Variants in WDFY1 observed in about 807,000 individuals in gnomAD.
The protein encoded by WDFY1 is WD repeat and FYVE domain containing 1.
In WDFY1, 32 loss-of-function variants were observed where a neutral mutation model predicts 56.4. The observed-to-expected ratio is 0.57, with a 90% confidence interval of 0.43 to 0.76. The LOEUF is 0.76. WDFY1 is among the 30% of genes least tolerant of loss of function. The pLI, the probability that WDFY1 is intolerant of heterozygous loss-of-function variation, is 0.00. For missense variants in WDFY1, 480 were observed against 545.7 expected (o/e 0.88, Z 1.20); for synonymous variants, 192 against 197.3 (o/e 0.97, Z 0.23).
intron 1 of WDFY1, among the ~76,000 whole-genome samples, chr2:223,929,189 G>GTTTTTTGTTTTTT (rs1553538013): frequency 3.5e-5 from 1 of 28,940 alleles, no homozygotes; most frequent in Non-Finnish European, 1.8e-4. Context: ...TCTGTTTTTT[G>GTTTTTTGTTTTTT]TTTTTTTTTT....
At chr2:223,910,599 T>C (rs1025396917) in intron 3 of WDFY1, among the ~76,000 whole-genome samples, 3 of 152,066 alleles carry the variant, frequency 2.0e-5, no homozygotes, top group Admixed American at 6.6e-5. Context: ...AGGACTTCAA[T>C]AGATATTTCT....
At chr2:223,943,630 G>A (rs1421823468) in intron 1 of WDFY1, among the ~76,000 whole-genome samples, 2 of 152,170 alleles carry the variant, frequency 1.3e-5, no homozygotes, top group Non-Finnish European at 2.9e-5. Context: ...ATTGCATCAA[G>A]GAAACACAGT....
chr2:223,935,538 A>G (rs1217221143), intron 1 of WDFY1, among the ~76,000 whole-genome samples: 1 of 152,236 alleles, frequency 6.6e-6, no homozygotes. Flanking sequence ...ATCATTCATT[A>G]TATTACCATC....
rs1693007128 is a variant in WDFY1, at chr2:223,878,396, A to G, written c.*275T>C. ...CCCGCTAAAACTCATTTGCTAGCTC[A>G]TTCTTTCACTACACATTAGCTGTTC... On this transcript the variant is annotated 3_prime_UTR_variant, in exon 12 of 12. Coordinates refer to ENST00000233055, the MANE Select transcript of WDFY1 (RefSeq NM_020830.5). 3.2e-6 allele frequency: 1 copy of G among 311,164 alleles called. No individual in the cohort carries two copies. The highest frequency in any genetic ancestry group is 6.0e-6 in the Non-Finnish European group (1 of 167,572). The allele number at this position is 311,164 out of a possible 1,614,324, so 19.3% of individuals were successfully genotyped here.
intron 6 of WDFY1, among the ~76,000 whole-genome samples, chr2:223,897,351 C>CATATATATATATAT (rs1194128689): frequency 1.3e-4 from 7 of 53,676 alleles, no homozygotes; most frequent in East Asian, 5.7e-4. Context: ...CTAAATTTCG[C>CATATATATATATAT]ATATATATAT....
intron 8 of WDFY1, among the ~76,000 whole-genome samples, chr2:223,891,584 G>A (rs1448619659): frequency 6.6e-6 from 1 of 152,006 alleles, no homozygotes; most frequent in Non-Finnish European, 1.5e-5. Flanking sequence ...GAAATGCCTT[G>A]ATTGATGGGA....
chr2:223,916,659 A>G (rs1020354559), intron 2 of WDFY1, among the ~76,000 whole-genome samples: 4 of 152,140 alleles, frequency 2.6e-5, no homozygotes, highest in Admixed American at 1.3e-4. Flanking sequence ...TTGACTCCCC[A>G]TTTGAACTTT....
chr2:223,884,724 G>C lies in WDFY1; in HGVS notation c.857C>G (p.Ser286Cys). The change falls in exon 9 of 12, where the codon TCT (serine) becomes TGT (cysteine). Residue 286 changes from serine to cysteine, a missense_variant. Coordinates refer to ENST00000233055, the MANE Select transcript of WDFY1 (RefSeq NM_020830.5). ...AAATGGCTGCTCACATTTCTGACAA[G>C]AATCACTTTCCAACCACTGAGGAGC... ...EEAPQWLESDSCQKCEQPFFW... is the reference protein window; with the variant it reads ...EEAPQWLESDCCQKCEQPFFW... The C allele has an allele frequency of 6.2e-7, 1 of 1,614,136 alleles. No homozygotes were observed. Among genetic ancestry groups the C allele is most frequent in the Non-Finnish European group, 8.5e-7 (1 of 1,180,006 alleles).
At chr2:223,910,475 C>A (rs529427116) in intron 3 of WDFY1, among the ~76,000 whole-genome samples, 2 of 151,162 alleles carry the variant, frequency 1.3e-5, no homozygotes, top group Middle Eastern at 3.5e-3. Flanking sequence ...AAAAAGGCAG[C>A]TCTTAGGAGA....
intron 1 of WDFY1, among the ~76,000 whole-genome samples, chr2:223,929,095 G>C (rs1694032603): frequency 1.3e-5 from 2 of 152,088 alleles, no homozygotes; most frequent in South Asian, 4.1e-4. Flanking sequence ...AAGGCACCTA[G>C]CTCTTGGGCC....
chr2:223,901,684 T>G (rs1693510587), intron 4 of WDFY1, among the ~76,000 whole-genome samples: 1 of 152,030 alleles, frequency 6.6e-6, no homozygotes, highest in African/African-American at 2.4e-5. Context: ...TCTAAAAAAC[T>G]GTATGAACAA....
In WDFY1 at chr2:223,895,845, A is replaced by G. The variant is rs576803600; in HGVS notation, c.599-215T>C. ...CACCATTATCCACAGTCATAAGATTACAATTTTCAATTATGCATCAAACTA... is the reference window on the plus strand; with the variant it reads ...CACCATTATCCACAGTCATAAGATTGCAATTTTCAATTATGCATCAAACTA... On this transcript the variant is annotated intron_variant, in intron 6 of 11. Coordinates refer to ENST00000233055, the MANE Select transcript of WDFY1 (RefSeq NM_020830.5). Among the ~76,000 whole-genome samples the G allele has an allele frequency of 5.3e-5, 8 of 152,184 alleles. No homozygotes were observed. The East Asian group carries it at 1.2e-3, about 22-fold the overall frequency.
intron 3 of WDFY1, among the ~76,000 whole-genome samples, chr2:223,906,523 T>G (rs948772262): frequency 3.9e-5 from 6 of 152,126 alleles, no homozygotes; most frequent in African/African-American, 1.4e-4. Flanking sequence ...TATGATCCCA[T>G]ATTTTCCAAA....
At chr2:223,887,816 T>G (rs1693198118) in intron 8 of WDFY1, among the ~76,000 whole-genome samples, 1 of 152,238 alleles carries the variant, frequency 6.6e-6, no homozygotes, top group African/African-American at 2.4e-5. Context: ...TGTCTGCATT[T>G]TCCCCCCTTA....
Position 223,880,112 on chromosome 2 carries a change from T to A in WDFY1, c.1173+12A>T. On this transcript the variant is annotated intron_variant, in intron 11 of 11. Coordinates refer to ENST00000233055, the MANE Select transcript of WDFY1 (RefSeq NM_020830.5). ...CTCAACTGAGATGCTGACAGACAAT[T>A]AGCCAGCTTACCTTTACAATGCGGT... 1 of 1,607,898 alleles carries A rather than the reference T, an allele frequency of 6.2e-7. No homozygotes were observed. The highest frequency in any genetic ancestry group is 8.5e-7 in the Non-Finnish European group (1 of 1,174,348).
chr2:223,922,919 G>A (rs1693909414), intron 1 of WDFY1, among the ~76,000 whole-genome samples: 1 of 152,190 alleles, frequency 6.6e-6, no homozygotes, highest in Non-Finnish European at 1.5e-5. Flanking sequence ...ACTTCCTTTG[G>A]AAGACAAACA....
chr2:223,897,041 G>C (rs975840872), intron 6 of WDFY1, among the ~76,000 whole-genome samples: 1 of 152,180 alleles, frequency 6.6e-6, no homozygotes, highest in Admixed American at 6.6e-5. Flanking sequence ...ATTTTAACTT[G>C]CTGTTCTCTT....
intron 3 of WDFY1, among the ~76,000 whole-genome samples, chr2:223,911,602 AC>A (rs1239007572): frequency 2.0e-5 from 3 of 147,544 alleles, no homozygotes; most frequent in African/African-American, 7.9e-5. Flanking sequence ...ACACACACAC[AC>A]ACACACACAC....
intron 1 of WDFY1, among the ~76,000 whole-genome samples, chr2:223,931,193 T>C (rs771747792): frequency 1.7e-4 from 26 of 152,226 alleles, no homozygotes; most frequent in Non-Finnish European, 2.6e-4. Context: ...TTAATTGAAA[T>C]ACAGGATTCC....
Sources: gnomAD v4.1 joint callset for allele counts (sites outside exome capture counted in the v4.1 genomes callset) on GRCh38, gnomAD v4.1.1 for gene constraint, MANE v1.5 for transcripts, NCBI Gene and HGNC (gene_info 2026-07-23, HGNC 2026-07-21) for gene names.